Variants in LIPA observed in about 807,000 individuals in gnomAD.
LIPA encodes lysosomal acid lipase/cholesteryl ester hydrolase.
Under a neutral mutation model 40.6 loss-of-function variants are expected in LIPA, and 26 were observed. The observed-to-expected ratio is 0.64, with a 90% CI of 0.47 to 0.89. The LOEUF is 0.89. Ranked by LOEUF, LIPA falls within the 40% of genes least tolerant of loss-of-function variation. The pLI is 0.00. For synonymous variants in LIPA, 188 were observed against 168.4 expected (o/e 1.12, Z -0.90); for missense variants, 455 against 479.6 (o/e 0.95, Z 0.48).
chr10:89,222,493 C>T lies in LIPA; in HGVS notation c.894+18G>A, dbSNP rs376731989. On this transcript the variant is annotated intron_variant, in intron 8 of 9. Coordinates refer to ENST00000336233, the MANE Select transcript of LIPA (RefSeq NM_000235.4). ...GTTGATTTTACATGAACCCCAAATG[C>T]ACTCCTGGAATGCCTACCTGGCTCC... The T allele has an allele frequency of 4.5e-6, 7 of 1,547,290 alleles. No individual in the cohort carries two copies. In the African/African-American group the frequency reaches 9.5e-5, roughly 21 times the overall value.
chr10:89,378,047 A>C (rs1844135108), intron 2 of LIPA: 2 of 1,415,782 alleles, frequency 1.4e-6, no homozygotes, highest in African/African-American at 1.4e-5. Context: ...TGCTTATCTG[A>C]GAAGCCCTAG....
At chr10:89,392,957 C>A in intron 2 of LIPA, 1 of 663,512 alleles carries the variant, frequency 1.5e-6, no homozygotes, top group Non-Finnish European at 2.5e-6. Flanking sequence ...CATGCTATAG[C>A]CCAAAGAAGG....
In LIPA at chr10:89,383,588, T is replaced by C. The variant is rs1293976429; in HGVS notation, c.61+29203A>G. Reference sequence around the variant, plus strand: ...AAAGAACATGCCAACCAAGCAGATATTAGAAGTCTGGTGACCTGGGGCAAC... The same window carrying C: ...AAAGAACATGCCAACCAAGCAGATACTAGAAGTCTGGTGACCTGGGGCAAC... On this transcript the variant is annotated intron_variant, in intron 2 of 8. Coordinates refer to the LIPA transcript ENST00000371837. The C allele has an allele frequency of 2.5e-6, 4 of 1,614,184 alleles. No homozygotes were observed. Among genetic ancestry groups the C allele is most frequent in the Admixed American group, 1.7e-5 (1 of 60,034 alleles).
upstream of LIPA, among the ~76,000 whole-genome samples, chr10:89,254,295 CA>C (rs1289983989): frequency 1.3e-5 from 2 of 152,222 alleles, no homozygotes; most frequent in Non-Finnish European, 2.9e-5. Flanking sequence ...TGGAGGTTCC[CA>C]AACCTCAATT....
chr10:89,270,533 T>C (rs1339001904), intron 1 of LIPA, among the ~76,000 whole-genome samples: 1 of 152,218 alleles, frequency 6.6e-6, no homozygotes, highest in Non-Finnish European at 1.5e-5. Context: ...CTTTCCAATA[T>C]GAAGGATACA....
At chr10:89,316,752 T>C (rs1171544191) in intron 1 of LIPA, among the ~76,000 whole-genome samples, 1 of 152,240 alleles carries the variant, frequency 6.6e-6, no homozygotes, top group Non-Finnish European at 1.5e-5. Context: ...GATCTGAGAA[T>C]GGACAGACTG....
At chr10:89,248,856 C>CCCATT (rs1843074669) in intron 1 of LIPA, among the ~76,000 whole-genome samples, 1 of 152,140 alleles carries the variant, frequency 6.6e-6, no homozygotes, top group Non-Finnish European at 1.5e-5. Context: ...GTCCAGCATA[C>CCCATT]CCATTCACCT....
intron 1 of LIPA, among the ~76,000 whole-genome samples, chr10:89,248,651 A>AT (rs373931086): frequency 0.11 from 15,066 of 137,752 alleles, 1,389 homozygotes; most frequent in African/African-American, 0.25. Flanking sequence ...ATTTTTTTGT[A>AT]TTTTTTTTTT....
At chr10:89,341,964 A>G (rs551084628) in intron 1 of LIPA, among the ~76,000 whole-genome samples, 1 of 152,346 alleles carries the variant, frequency 6.6e-6, no homozygotes, top group Non-Finnish European at 1.5e-5. Context: ...CACTACAAAA[A>G]GAAAGGTAAG....
chr10:89,360,293 C>T (rs1284354197), intron 2 of LIPA, among the ~76,000 whole-genome samples: 1 of 152,050 alleles, frequency 6.6e-6, no homozygotes, highest in Non-Finnish European at 1.5e-5. Context: ...AAAAGATGGC[C>T]CATGTTGGGG....
At chr10:89,359,873 C>T (rs955844636) in intron 2 of LIPA, among the ~76,000 whole-genome samples, 1 of 151,572 alleles carries the variant, frequency 6.6e-6, no homozygotes, top group Non-Finnish European at 1.5e-5. Context: ...ATAATGCCAA[C>T]CCTAATGCTA....
chr10:89,405,316 G>T (rs1159733028), intron 2 of LIPA: 1 of 152,014 alleles, frequency 6.6e-6, no homozygotes, highest in Non-Finnish European at 1.5e-5. Flanking sequence ...AGAGATCATG[G>T]GTAACAATCA....
At chr10:89,328,394 G>A (rs61853144) in intron 1 of LIPA, among the ~76,000 whole-genome samples, 1 of 152,132 alleles carries the variant, frequency 6.6e-6, no homozygotes, top group Admixed American at 6.5e-5. Context: ...TGGCAGGAGC[G>A]GTGTATTTCA....
intron 6 of LIPA, among the ~76,000 whole-genome samples, chr10:89,224,878 T>C (rs897064832): frequency 1.3e-5 from 2 of 152,160 alleles, no homozygotes; most frequent in Admixed American, 1.3e-4. Context: ...ATGCTAACCA[T>C]GAGTACACGT....
chr10:89,362,436 A>G (rs11203095), intron 2 of LIPA: 2,775 of 165,298 alleles, frequency 0.017, 38 homozygotes, highest in African/African-American at 0.043. Context: ...GACACAAAGT[A>G]CAGTGTGGGA....
chr10:89,217,868 T>C (rs1842647542), intron 8 of LIPA, among the ~76,000 whole-genome samples: 1 of 152,248 alleles, frequency 6.6e-6, no homozygotes. Flanking sequence ...GGGCGCCACC[T>C]TGTGGCCAAA....
intron 4 of LIPA, among the ~76,000 whole-genome samples, chr10:89,227,442 C>A (rs1199293110): frequency 2.0e-5 from 3 of 152,194 alleles, no homozygotes; most frequent in African/African-American, 7.2e-5. Flanking sequence ...TAAACCAATT[C>A]TTGTATATGC....
At chr10:89,352,018 G>A (rs563309192) in intron 2 of LIPA, among the ~76,000 whole-genome samples, 2 of 152,218 alleles carry the variant, frequency 1.3e-5, no homozygotes, top group Admixed American at 6.5e-5. Flanking sequence ...CTGAGTGCCC[G>A]GCCACGATGG....
At chr10:89,242,277 C>T (rs891951819) in intron 3 of LIPA, among the ~76,000 whole-genome samples, 12 of 152,174 alleles carry the variant, frequency 7.9e-5, no homozygotes, top group African/African-American at 2.4e-4. Context: ...ACATACTGCA[C>T]GAGTAGCCAA....
Sources: gnomAD v4.1 joint callset for allele counts (sites outside exome capture counted in the v4.1 genomes callset) on GRCh38, gnomAD v4.1.1 for gene constraint, MANE v1.5 for transcripts, NCBI Gene and HGNC (gene_info 2026-07-23, HGNC 2026-07-21) for gene names.